FCHSD2: variants seen among roughly 807,000 people sequenced by gnomAD.
FCHSD2 encodes FCH and double SH3 domains 2.
FCHSD2 carries 38 observed loss-of-function variants against 108.1 expected under a neutral mutation model. That is an observed-to-expected ratio of 0.35 (90% CI 0.27 to 0.46). The LOEUF is 0.46. FCHSD2 is among the 20% of genes least tolerant of loss of function. FCHSD2 has a pLI of 1.00. For synonymous variants in FCHSD2, 279 were observed against 314.7 expected (o/e 0.89, Z 1.20); for missense variants, 751 against 897.8 (o/e 0.84, Z 2.09).
intron 3 of FCHSD2, among the ~76,000 whole-genome samples, chr11:73,061,069 C>T (rs1164921617): frequency 6.6e-6 from 1 of 152,238 alleles, no homozygotes; most frequent in Admixed American, 6.5e-5. Context: ...CAGCAAGATC[C>T]TCGCAGAAGG....
At chr11:72,920,598 C>A (rs1008082721) in intron 9 of FCHSD2, among the ~76,000 whole-genome samples, 4 of 152,106 alleles carry the variant, frequency 2.6e-5, no homozygotes, top group African/African-American at 4.8e-5. Context: ...ACAACAACAA[C>A]AAAATTGTTC....
intron 8 of FCHSD2, among the ~76,000 whole-genome samples, chr11:72,957,931 A>T (rs1015864933): frequency 7.9e-5 from 12 of 152,344 alleles, no homozygotes; most frequent in African/African-American, 1.9e-4. Flanking sequence ...GTTTGGAATT[A>T]TATAAACATA....
intron 4 of FCHSD2, among the ~76,000 whole-genome samples, chr11:73,008,147 T>C (rs892369068): frequency 1.3e-5 from 2 of 152,070 alleles, no homozygotes; most frequent in African/African-American, 4.8e-5. Context: ...GCGACCAGCC[T>C]GGCCAACATA....
chr11:73,010,230 C>T (rs1020701278), intron 4 of FCHSD2, among the ~76,000 whole-genome samples: 5 of 152,086 alleles, frequency 3.3e-5, no homozygotes, highest in African/African-American at 1.2e-4. Context: ...TGAATTCTTC[C>T]ATTACAGAAT....
intron 8 of FCHSD2, among the ~76,000 whole-genome samples, chr11:72,953,948 A>G (rs768347610): frequency 6.6e-6 from 1 of 152,192 alleles, no homozygotes; most frequent in Non-Finnish European, 1.5e-5. Context: ...GGGATAGTAG[A>G]TGACCTAGGA....
At chr11:73,093,083 G>A (rs1300057536) in intron 2 of FCHSD2, among the ~76,000 whole-genome samples, 2 of 152,154 alleles carry the variant, frequency 1.3e-5, no homozygotes, top group Non-Finnish European at 2.9e-5. Flanking sequence ...CTAAGTGACT[G>A]AACCGCAATA....
intron 13 of FCHSD2, among the ~76,000 whole-genome samples, chr11:72,859,493 T>G (rs1861514527): frequency 6.6e-6 from 1 of 152,184 alleles, no homozygotes; most frequent in South Asian, 2.1e-4. Flanking sequence ...TTATTACTAG[T>G]TAGTGTTGTT....
At chr11:73,106,871 T>G (rs1340262923) in intron 2 of FCHSD2, among the ~76,000 whole-genome samples, 1 of 152,162 alleles carries the variant, frequency 6.6e-6, no homozygotes, top group East Asian at 1.9e-4. Flanking sequence ...TTCTATGATG[T>G]TGATACAAGG....
At chr11:72,877,989 T>C in intron 12 of FCHSD2, among the ~76,000 whole-genome samples, 1 of 152,102 alleles carries the variant, frequency 6.6e-6, no homozygotes, top group Non-Finnish European at 1.5e-5. Flanking sequence ...AGAGACACTG[T>C]CTCAAAAAAA....
chr11:73,008,267 A>G (rs2135425246), intron 4 of FCHSD2, among the ~76,000 whole-genome samples: 1 of 152,318 alleles, frequency 6.6e-6, no homozygotes, highest in South Asian at 2.1e-4. Flanking sequence ...TGAACCCAGG[A>G]GGCAGACATT....
chr11:73,083,814 C>T, intron 2 of FCHSD2, 74 bp from the exon 3 acceptor site: 1 of 905,998 alleles, frequency 1.1e-6, no homozygotes, highest in Non-Finnish European at 1.8e-6. Flanking sequence ...AACACACCTT[C>T]AAATACTGCC....
At chr11:72,853,531 C>T (rs1411229991) in intron 13 of FCHSD2, among the ~76,000 whole-genome samples, 1 of 152,156 alleles carries the variant, frequency 6.6e-6, no homozygotes, top group African/African-American at 2.4e-5. Context: ...TCTCCTGCCT[C>T]AGCCTCCCAA....
At chr11:73,005,492 C>T (rs1437518911) in intron 4 of FCHSD2, among the ~76,000 whole-genome samples, 11 of 152,206 alleles carry the variant, frequency 7.2e-5, no homozygotes, top group Admixed American at 7.2e-4. Flanking sequence ...CTACTCCCAC[C>T]TCACCAGCCA....
At chr11:72,862,670 G>A (rs1192365686) in intron 13 of FCHSD2, among the ~76,000 whole-genome samples, 2 of 152,160 alleles carry the variant, frequency 1.3e-5, no homozygotes, top group Non-Finnish European at 2.9e-5. Context: ...GTTGATCTAT[G>A]CAGTCATCAT....
At chr11:72,975,761 G>C (rs1280511912) in intron 8 of FCHSD2, among the ~76,000 whole-genome samples, 2 of 152,098 alleles carry the variant, frequency 1.3e-5, no homozygotes, top group Admixed American at 6.6e-5. Flanking sequence ...ACAGAAAGAT[G>C]TTTATCTTTT....
At chr11:73,052,883 G>C (rs958094737) in intron 3 of FCHSD2, among the ~76,000 whole-genome samples, 1 of 152,088 alleles carries the variant, frequency 6.6e-6, no homozygotes, top group Admixed American at 6.5e-5. Context: ...GTCTCACTCT[G>C]TTGCCCAGAC....
intron 2 of FCHSD2, among the ~76,000 whole-genome samples, chr11:73,121,524 T>C (rs1012582402): frequency 6.6e-6 from 1 of 152,130 alleles, no homozygotes; most frequent in Non-Finnish European, 1.5e-5. Context: ...CCTATACAAA[T>C]AATGATATCT....
chr11:72,998,282 G>A (rs1857558251), intron 5 of FCHSD2, among the ~76,000 whole-genome samples: 1 of 152,234 alleles, frequency 6.6e-6, no homozygotes, highest in Non-Finnish European at 1.5e-5. Flanking sequence ...GCTCATGCCT[G>A]TAATCCCCGC....
intron 12 of FCHSD2, among the ~76,000 whole-genome samples, chr11:72,884,114 G>T (rs1377391330): frequency 3.3e-5 from 5 of 152,012 alleles, no homozygotes; most frequent in Non-Finnish European, 7.4e-5. Context: ...ATCATTAATA[G>T]CAGGACAACT....
Sources: gnomAD v4.1 joint callset for allele counts (sites outside exome capture counted in the v4.1 genomes callset) on GRCh38, gnomAD v4.1.1 for gene constraint, MANE v1.5 for transcripts, NCBI Gene and HGNC (gene_info 2026-07-23, HGNC 2026-07-21) for gene names.